The following KANK1 variants were observed in gnomAD, a reference collection of about 807,000 sequenced individuals.
KANK1 encodes KN motif and ankyrin repeat domains 1.
In KANK1, 109 loss-of-function variants were observed where a neutral mutation model predicts 106.2. That is an observed-to-expected ratio of 1.03 (90% CI 0.88 to 1.20). KANK1 has a LOEUF of 1.20. Ranked by LOEUF, KANK1 falls within the 50% of genes most tolerant of loss-of-function variation. The pLI, the probability that KANK1 is intolerant of heterozygous loss-of-function variation, is 0.00. For missense variants in KANK1, 2,399 were observed against 1,710.7 expected, an observed-to-expected ratio of 1.40 and a Z score of -7.10; for synonymous variants, 873 against 652.2, an observed-to-expected ratio of 1.34 and a Z score of -5.16.
Position 478,878 on chromosome 9 carries a change from G to A in KANK1, c.-362+5605G>A, listed in dbSNP as rs2058153676. Among the ~76,000 whole-genome samples the A allele has an allele frequency of 4.0e-5, 6 of 151,164 alleles. No homozygotes were observed. In the South Asian group the frequency reaches 1.3e-3, roughly 32 times the overall value. On this transcript the variant is annotated intron_variant, in intron 3 of 15. Coordinates refer to the KANK1 transcript ENST00000382303. ...TAAGTTTTTGACCCCATTATATGAA[G>A]AAGACAAATCATCCATAACTCTACC... is the stretch of plus-strand genomic sequence containing the variant.
chr9:565,606 C>T (rs1817614643), intron 1 of KANK1, among the ~76,000 whole-genome samples: 1 of 152,088 alleles, frequency 6.6e-6, no homozygotes, highest in African/African-American at 2.4e-5. Flanking sequence ...GCTGGGGATG[C>T]CATCATAGGA....
intron 1 of KANK1, among the ~76,000 whole-genome samples, chr9:572,594 T>C (rs2134910805): frequency 6.6e-6 from 1 of 152,190 alleles, no homozygotes; most frequent in African/African-American, 2.4e-5. Context: ...TCTCGATATG[T>C]TGCCCAGGCT....
intron 1 of KANK1, among the ~76,000 whole-genome samples, chr9:638,982 A>G (rs537659384): frequency 6.6e-6 from 1 of 152,272 alleles, no homozygotes; most frequent in East Asian, 1.9e-4. Flanking sequence ...TGTTCACCTG[A>G]GCAAAGTCAG....
At chr9:586,322 T>C (rs752545954) in intron 1 of KANK1, among the ~76,000 whole-genome samples, 7 of 152,146 alleles carry the variant, frequency 4.6e-5, no homozygotes, top group Non-Finnish European at 7.4e-5. Context: ...GTTACAGGAA[T>C]AGGATGAAAG....
In KANK1 at chr9:664,140, T is replaced by G. The variant is rs59856026; in HGVS notation, c.-83-12750T>G. ...TACACTTGATTAATGTTAACTGTAG[T>G]TGTCCTACTGATCTATCGAACACCA... On this transcript the variant is annotated intron_variant, in intron 1 of 11. Coordinates refer to ENST00000382297, the MANE Select transcript of KANK1 (RefSeq NM_015158.5). Among the ~76,000 whole-genome samples the G allele has an allele frequency of 4.9e-3, 749 of 152,276 alleles. 9 individuals carry two copies. The highest frequency in any genetic ancestry group is 0.018 in the African/African-American group (728 of 41,536).
rs547483661 is a variant in KANK1 at position 608,195 on chromosome 9, G to A, written c.-83-68695G>A. Among the ~76,000 whole-genome samples, 93 of 149,258 alleles carry A rather than the reference G, an allele frequency of 6.2e-4. 2 individuals are homozygous for A. The highest frequency in any genetic ancestry group is 6.8e-3 in the Middle Eastern group (2 of 294). On this transcript the variant is annotated intron_variant, in intron 1 of 11. Coordinates refer to ENST00000382297, the MANE Select transcript of KANK1 (RefSeq NM_015158.5). ...TGGGACTACAGGCGCCCGCCACCGCGCCCGGCTAATTTTTTGTATTTTTAG... is the reference window on the plus strand; with the variant it reads ...TGGGACTACAGGCGCCCGCCACCGCACCCGGCTAATTTTTTGTATTTTTAG...
At chr9:473,056 T>C (rs1564105913) in intron 2 of KANK1, 1 of 152,232 alleles carries the variant, frequency 6.6e-6, no homozygotes, top group African/African-American at 2.4e-5. Context: ...AGATTTTATA[T>C]AGCAATAGGT....
chr9:471,655 G>A (rs891064731), intron 2 of KANK1: 20 of 152,186 alleles, frequency 1.3e-4, no homozygotes, highest in African/African-American at 4.6e-4. Context: ...GCAATCCCAG[G>A]GTTCTGGGAG....
intron 1 of KANK1, among the ~76,000 whole-genome samples, chr9:640,851 C>G (rs1203078286): frequency 6.6e-6 from 1 of 151,966 alleles, no homozygotes; most frequent in East Asian, 1.9e-4. Flanking sequence ...TGCCCGCCAC[C>G]AGGCCCAGCT....
At chr9:657,529 G>A (rs1265791920) in intron 1 of KANK1, among the ~76,000 whole-genome samples, 1 of 151,918 alleles carries the variant, frequency 6.6e-6, no homozygotes, top group African/African-American at 2.4e-5. Context: ...TTCTCTACAT[G>A]CTACCGATGC....
chr9:556,666 T>A (rs1337394938), intron 1 of KANK1, among the ~76,000 whole-genome samples: 1 of 117,240 alleles, frequency 8.5e-6, no homozygotes, highest in Non-Finnish European at 1.7e-5. Context: ...GTTACTCTCC[T>A]TACTCAAATT....
intron 3 of KANK1, among the ~76,000 whole-genome samples, chr9:473,763 A>G (rs1308661491): frequency 6.6e-6 from 1 of 151,806 alleles, no homozygotes; most frequent in Non-Finnish European, 1.5e-5. Context: ...GCAGTGGCAC[A>G]ATCTCAGCTC....
intron 1 of KANK1, among the ~76,000 whole-genome samples, chr9:647,424 T>C (rs1265352314): frequency 6.6e-6 from 1 of 150,996 alleles, no homozygotes; most frequent in Non-Finnish European, 1.5e-5. Context: ...TTAAGAAGAC[T>C]CTATCACTTC....
chr9:584,053 T>C (rs1822833525), intron 1 of KANK1, among the ~76,000 whole-genome samples: 1 of 152,166 alleles, frequency 6.6e-6, no homozygotes. Context: ...ACCTTGACCT[T>C]ATCCCAGGCA....
At chr9:628,905 C>G (rs1456108416) in intron 1 of KANK1, among the ~76,000 whole-genome samples, 2 of 150,868 alleles carry the variant, frequency 1.3e-5, no homozygotes, top group Non-Finnish European at 2.9e-5. Context: ...ATGGCGAAAC[C>G]CCATCTCTAC....
intron 3 of KANK1, among the ~76,000 whole-genome samples, chr9:486,571 G>C (rs1394771468): frequency 6.6e-6 from 1 of 152,120 alleles, no homozygotes. Context: ...GCAGAGGCAG[G>C]ATTTGGATGC....
chr9:740,252 A>G (rs1263227095), intron 8 of KANK1, among the ~76,000 whole-genome samples: 4 of 152,160 alleles, frequency 2.6e-5, no homozygotes, highest in African/African-American at 9.7e-5. Context: ...TCGACCATAA[A>G]TTCTGGAGCT....
intron 1 of KANK1, among the ~76,000 whole-genome samples, chr9:545,083 T>A (rs760182482): frequency 1.3e-5 from 2 of 151,600 alleles, no homozygotes; most frequent in Non-Finnish European, 2.9e-5. Flanking sequence ...CTCTGTGAGT[T>A]GATTGAATGG....
chr9:719,183 G>A (rs761994636), intron 3 of KANK1, among the ~76,000 whole-genome samples: 44 of 152,050 alleles, frequency 2.9e-4, no homozygotes, highest in Middle Eastern at 3.4e-3. Context: ...TGGCCAGGCT[G>A]GTCTCGATCT....
Sources: allele counts gnomAD v4.1 joint callset (sites outside exome capture counted in the v4.1 genomes callset), GRCh38; gene constraint gnomAD v4.1.1; transcripts MANE v1.5; gene names NCBI Gene and HGNC (gene_info 2026-07-23, HGNC 2026-07-21).